The following CTBP2 variants were observed in gnomAD, a reference collection of about 807,000 sequenced individuals.
The protein encoded by CTBP2 is C-terminal-binding protein 2.
CTBP2 carries 30 observed loss-of-function variants against 80.3 expected under a neutral mutation model. The observed-to-expected ratio is 0.37, with a 90% CI of 0.28 to 0.51. CTBP2 has a LOEUF of 0.51. Ranked by LOEUF, CTBP2 falls within the 20% of genes least tolerant of loss-of-function variation. CTBP2 has a pLI of 0.93. For synonymous variants in CTBP2, 594 were observed against 587.4 expected (o/e 1.01, Z -0.16); for missense variants, 1,212 against 1,375.3 (o/e 0.88, Z 1.88).
rs557402680 is a variant in CTBP2 at position 125,008,144 on chromosome 10, C to T, written c.1679-4652G>A. On this transcript the variant is annotated intron_variant, in intron 1 of 8. Transcript: ENST00000309035. ...TATTTTTAGCAGAGACAGGGTTTCG[C>T]GATGTTGGCCAGGCTGGCTTCGAAC... Among the ~76,000 whole-genome samples, 10 of 152,246 alleles carry T rather than the reference C, an allele frequency of 6.6e-5. No homozygotes were observed. The South Asian group carries it at 1.9e-3, about 28-fold the overall frequency.
At chr10:125,068,937 G>T (rs1391935558) in intron 2 of CTBP2, among the ~76,000 whole-genome samples, 2 of 152,184 alleles carry the variant, frequency 1.3e-5, no homozygotes, top group African/African-American at 4.8e-5. Context: ...TTTGGATCCT[G>T]ACACGCGACC....
At chr10:125,111,182 C>T (rs1408839342) in intron 1 of CTBP2, 89 bp from the exon 2 acceptor site, 1 of 151,894 alleles carries the variant, frequency 6.6e-6, no homozygotes, top group Non-Finnish European at 1.5e-5. Context: ...TGCATTTTTC[C>T]AATGCCTTCG....
rs565603120 is a variant in CTBP2, at chr10:125,027,299, C to T, written c.461G>A (p.Arg154Gln). The T allele has an allele frequency of 3.0e-5, 49 of 1,613,774 alleles. No individual in the cohort carries two copies. Among genetic ancestry groups the T allele is most frequent in the African/African-American group, 1.9e-4 (14 of 75,040 alleles). The change falls in exon 1 of 9, where the codon CGG becomes CAG. Residue 154 changes from arginine (R) to glutamine (Q), a missense_variant. Physicochemically the swap from Arg to Gln is conservative, Grantham distance 43. Around this residue, in one of 3 missense-constraint regions of CTBP2, gnomAD observed 848 missense variants for 782.3 expected, o/e 1.08. Coordinates refer to ENST00000309035, the MANE Select transcript of CTBP2 (RefSeq NM_022802.3). The stretch of plus-strand genomic sequence containing the variant: ...ACCGGCGTCCTGCAGGGCAGGTGAC[C>T]GGCCTTGCATTGGATCCCATGACGT...
intron 1 of CTBP2, among the ~76,000 whole-genome samples, chr10:125,016,983 C>T (rs927825960): frequency 1.3e-5 from 2 of 152,220 alleles, no homozygotes; most frequent in Non-Finnish European, 2.9e-5. Flanking sequence ...ATGGACTGGC[C>T]TGCGCTGGGC....
In CTBP2 at chr10:125,121,802, C is replaced by T. The variant is rs1039864121; in HGVS notation, c.-205-10709G>A. Among the ~76,000 whole-genome samples the T allele has an allele frequency of 3.3e-5, 5 of 152,266 alleles. No homozygotes were observed. In the East Asian group the frequency reaches 7.7e-4, roughly 23 times the overall value. ...CTCCTTTCCACCTTGCGCCACACCACGCTGTCACCCAGGCTCAAGAAACAC... is the reference window on the plus strand; with the variant it reads ...CTCCTTTCCACCTTGCGCCACACCATGCTGTCACCCAGGCTCAAGAAACAC... On this transcript the variant is annotated intron_variant, in intron 1 of 10. Transcript: ENST00000337195.
At chr10:125,023,207 A>T (rs1564729732) in intron 1 of CTBP2, among the ~76,000 whole-genome samples, 2 of 152,210 alleles carry the variant, frequency 1.3e-5, no homozygotes, top group Non-Finnish European at 2.9e-5. Context: ...ATCCAGTTGC[A>T]TCAAGAAAAA....
chr10:125,138,290 C>T (rs2133225409), intron 1 of CTBP2: 1 of 152,258 alleles, frequency 6.6e-6, no homozygotes, highest in East Asian at 1.9e-4. Context: ...CCAAGGGAGC[C>T]AACGGAGTCA....
rs764999884 is a variant in CTBP2, at chr10:125,002,966, C to T, written c.1972G>A (p.Glu658Lys). The T allele has an allele frequency of 2.1e-5, 34 of 1,612,580 alleles. No homozygotes were observed. The highest frequency in any genetic ancestry group is 2.7e-5 in the African/African-American group (2 of 74,896). ...AGCGCTGCCTCGCACTCACCGAGCTCGCCGGCAGCCTTGATGTCCACGTTG... is the reference window on the plus strand; with the variant it reads ...AGCGCTGCCTCGCACTCACCGAGCTTGCCGGCAGCCTTGATGTCCACGTTG... Residue 658 changes from glutamate to lysine, a missense_variant, in exon 3 of 9, where the codon GAG becomes AAG. Physicochemically the swap from Glu to Lys is moderately conservative, Grantham distance 56. This residue lies in a region of CTBP2 where 335 missense variants were observed against 504.7 expected (regional missense o/e 0.66). Transcript: ENST00000309035.
chr10:125,124,573 A>G (rs545312447), intron 1 of CTBP2, among the ~76,000 whole-genome samples: 19 of 152,356 alleles, frequency 1.2e-4, no homozygotes, highest in Middle Eastern at 6.8e-3. Context: ...TTAAACAGTC[A>G]TTTACCAAAA....
chr10:125,132,264 G>A (rs1438178943), intron 1 of CTBP2, among the ~76,000 whole-genome samples: 1 of 151,540 alleles, frequency 6.6e-6, no homozygotes, highest in African/African-American at 2.4e-5. Context: ...TCAAACCTTA[G>A]ACCAGCATCA....
At chr10:125,111,600 A>G (rs1373686999) in intron 1 of CTBP2, among the ~76,000 whole-genome samples, 1 of 152,254 alleles carries the variant, frequency 6.6e-6, no homozygotes, top group Non-Finnish European at 1.5e-5. Flanking sequence ...ATTTTAACTT[A>G]CTACTGAAAT....
At chr10:125,017,312 G>A (rs1307101463) in intron 1 of CTBP2, among the ~76,000 whole-genome samples, 1 of 152,230 alleles carries the variant, frequency 6.6e-6, no homozygotes, top group African/African-American at 2.4e-5. Context: ...TCTTTGGAGA[G>A]GCGATAAAGG....
chr10:125,115,986 A>G (rs1404756538), intron 1 of CTBP2, among the ~76,000 whole-genome samples: 1 of 152,148 alleles, frequency 6.6e-6, no homozygotes, highest in African/African-American at 2.4e-5. Context: ...TCTCTGGACT[A>G]GATGCAACAT....
chr10:125,156,814 A>C (rs967694331), intron 1 of CTBP2, among the ~76,000 whole-genome samples: 2 of 152,208 alleles, frequency 1.3e-5, no homozygotes, highest in African/African-American at 4.8e-5. Context: ...CCAGACTTAA[A>C]AAGTAAAATT....
chr10:125,030,247 A>C (rs1226777557), upstream of CTBP2, among the ~76,000 whole-genome samples: 2 of 152,184 alleles, frequency 1.3e-5, no homozygotes, highest in African/African-American at 4.8e-5. Flanking sequence ...GACCCATTAG[A>C]GTAATACATC....
At position 124,984,927 on chromosome 10, in the gene CTBP2, C is replaced by T. The variant is rs1481517822; in HGVS notation, c.*4591G>A. 1 of 1,613,582 alleles carries T rather than the reference C, an allele frequency of 6.2e-7. No individual in the cohort carries two copies. The highest frequency in any genetic ancestry group is 8.5e-7 in the Non-Finnish European group (1 of 1,179,952). ...GGTAGAAAAATGGCTTGACCGCTACCGACAGATCCGGCCGTGTACATCCCT... is the reference window on the plus strand; with the variant it reads ...GGTAGAAAAATGGCTTGACCGCTACTGACAGATCCGGCCGTGTACATCCCT... On this transcript the variant is annotated 3_prime_UTR_variant, in exon 9 of 9. Transcript: ENST00000309035.
At chr10:125,108,480 G>A (rs1355192833) in intron 2 of CTBP2, among the ~76,000 whole-genome samples, 1 of 152,168 alleles carries the variant, frequency 6.6e-6, no homozygotes. Context: ...TCAACAGGTG[G>A]GCTCTGGTTG....
At chr10:125,074,596 T>G (rs1253702492) in intron 2 of CTBP2, among the ~76,000 whole-genome samples, 1 of 152,234 alleles carries the variant, frequency 6.6e-6, no homozygotes, top group African/African-American at 2.4e-5. Context: ...TCCGCCCGCC[T>G]CGGCCTCCCA....
upstream of CTBP2, chr10:125,032,701 C>A (rs7081667): frequency 0.017 from 2,629 of 154,838 alleles, 81 homozygotes; most frequent in African/African-American, 0.06. Context: ...TTGTTTGACA[C>A]CCGGGCTGTA....
Sources: gnomAD v4.1 joint callset for allele counts (sites outside exome capture counted in the v4.1 genomes callset) on GRCh38, gnomAD v4.1.1 for gene constraint, gnomAD v4.1.1 regional missense constraint, MANE v1.5 for transcripts, NCBI Gene and HGNC (gene_info 2026-07-23, HGNC 2026-07-21) for gene names.